Variants in SPATA31H1 observed in about 807,000 individuals in gnomAD.
SPATA31H1 encodes the protein SPATA31 subfamily H member 1, also known as spermatogenesis-associated protein 31H1.
chr2:27,539,112 T>G, the SPATA31H1 span, among the ~76,000 whole-genome samples: 1 of 140,160 alleles, frequency 7.1e-6, no homozygotes, highest in South Asian at 2.2e-4. Flanking sequence ...TTTTTTTTTT[T>G]TTTTTTTTTT....
chr2:27,549,030 G>A, the SPATA31H1 span, among the ~76,000 whole-genome samples: 22 of 133,338 alleles, frequency 1.6e-4, 1 homozygote, highest in African/African-American at 2.7e-4. Context: ...CTGAGATCAC[G>A]CCACTGCACT....
At chr2:27,580,466 A>G in the SPATA31H1 span, 1 of 1,614,222 alleles carries the variant, frequency 6.2e-7, no homozygotes, top group African/African-American at 1.3e-5. Flanking sequence ...AGCGACTTAG[A>G]AAACACAGAA....
At chr2:27,579,877 TACCCCCCGATGTGCCTCC>T in the SPATA31H1 span, 2 of 1,614,154 alleles carry the variant, frequency 1.2e-6, no homozygotes, top group South Asian at 2.2e-5. Flanking sequence ...AGGAGTCAAA[TACCCCCCGATGTGCCTCC>T]ACCTCTAGCT....
the SPATA31H1 span, chr2:27,571,309 T>C: frequency 2.5e-6 from 1 of 398,398 alleles, no homozygotes; most frequent in African/African-American, 2.1e-5. Context: ...TCTGTGACCT[T>C]AACTCCAGGA....
chr2:27,558,942 AGAG>A, the SPATA31H1 span, among the ~76,000 whole-genome samples: 2 of 142,172 alleles, frequency 1.4e-5, no homozygotes, highest in African/African-American at 5.2e-5. Flanking sequence ...AGGGAGAGGG[AGAG>A]GGAGAGGGAG....
the SPATA31H1 span, among the ~76,000 whole-genome samples, chr2:27,538,660 C>T: frequency 7.9e-5 from 12 of 151,822 alleles, no homozygotes; most frequent in South Asian, 2.1e-4. Flanking sequence ...GGTGGAACCC[C>T]GTCTCTACTA....
chr2:27,569,929 C>T, the SPATA31H1 span: 48 of 398,732 alleles, frequency 1.2e-4, no homozygotes, highest in Non-Finnish European at 1.6e-4. Flanking sequence ...TCACAACCCC[C>T]ACATTATGGT....
At chr2:27,566,237 A>C in the SPATA31H1 span, 1 of 711,334 alleles carries the variant, frequency 1.4e-6, no homozygotes, top group Non-Finnish European at 2.6e-6. Context: ...TGTTTTCCTT[A>C]CTGGTACTTT....
chr2:27,547,987 T>C, the SPATA31H1 span, among the ~76,000 whole-genome samples: 1 of 146,610 alleles, frequency 6.8e-6, no homozygotes, highest in Non-Finnish European at 1.5e-5. Context: ...TTCTTTTTTT[T>C]TTTTTTTTTT....
chr2:27,542,546 T>A, the SPATA31H1 span, among the ~76,000 whole-genome samples: 1 of 151,886 alleles, frequency 6.6e-6, no homozygotes, highest in Non-Finnish European at 1.5e-5. Context: ...TTGATATAGA[T>A]GATATTCCAT....
chr2:27,573,229 C>T, the SPATA31H1 span: 1 of 398,294 alleles, frequency 2.5e-6, no homozygotes, highest in Non-Finnish European at 4.4e-6. Context: ...CCTAAGATGT[C>T]CCGAGGACCA....
At chr2:27,577,611 G>T in the SPATA31H1 span, 1 of 1,614,138 alleles carries the variant, frequency 6.2e-7, no homozygotes, top group African/African-American at 1.3e-5. This position sits in a 1 kb window ranked among gnomAD's most constrained non-coding sequence, Gnocchi z 4.5. Context: ...CCCAGATTCT[G>T]CTTCAGGGAT....
At chr2:27,541,408 G>C in the SPATA31H1 span, among the ~76,000 whole-genome samples, 1 of 151,412 alleles carries the variant, frequency 6.6e-6, no homozygotes. Flanking sequence ...GGAAGGGGGA[G>C]AGAGAGAGGG....
chr2:27,580,364 G>C, the SPATA31H1 span: 1 of 1,614,158 alleles, frequency 6.2e-7, no homozygotes, highest in Non-Finnish European at 8.5e-7. Flanking sequence ...ACCTACCAGA[G>C]AGTGACTCTG....
At chr2:27,549,745 G>A in the SPATA31H1 span, among the ~76,000 whole-genome samples, 4,107 of 151,962 alleles carry the variant, frequency 0.027, 232 homozygotes, top group African/African-American at 0.095. Flanking sequence ...GGAGGCGAAG[G>A]TTGCAGTGAG....
At chr2:27,575,850 C>T in the SPATA31H1 span, 1 of 398,258 alleles carries the variant, frequency 2.5e-6, no homozygotes, top group African/African-American at 2.1e-5. This position sits in a 1 kb window ranked among gnomAD's most constrained non-coding sequence, Gnocchi z 4.1. Flanking sequence ...TGGGTGCAAC[C>T]CAGGGCCGTA....
the SPATA31H1 span, among the ~76,000 whole-genome samples, chr2:27,562,510 CAA>C: frequency 1.4e-4 from 14 of 97,568 alleles, no homozygotes; most frequent in Non-Finnish European, 2.2e-4. Context: ...GACCTTGTCT[CAA>C]AAAAAAAAAA....
At chr2:27,547,074 T>G in the SPATA31H1 span, among the ~76,000 whole-genome samples, 6 of 152,038 alleles carry the variant, frequency 3.9e-5, no homozygotes, top group Non-Finnish European at 8.8e-5. Context: ...CTCTCTGTTT[T>G]GTTACATTGG....
At chr2:27,542,945 C>T in the SPATA31H1 span, among the ~76,000 whole-genome samples, 4 of 151,846 alleles carry the variant, frequency 2.6e-5, no homozygotes, top group Admixed American at 1.3e-4. Context: ...GGTATGGTGG[C>T]GTGCACCTGT....
Sources: gnomAD v4.1 joint callset for allele counts (sites outside exome capture counted in the v4.1 genomes callset) on GRCh38, gnomAD v4.1.1 for gene constraint, Gnocchi (gnomAD v3.1) non-coding constraint, MANE v1.5 for transcripts, NCBI Gene and HGNC (gene_info 2026-07-23, HGNC 2026-07-21) for gene names.